The following PI4KB variants were observed in gnomAD, a reference collection of about 807,000 sequenced individuals.
PI4KB encodes PtdIns 4-kinase beta.
In PI4KB, 23 loss-of-function variants were observed where a neutral mutation model predicts 81.4. The observed-to-expected ratio is 0.28, with a 90% CI of 0.20 to 0.40. PI4KB has a LOEUF of 0.40. Ranked by LOEUF, PI4KB falls within the 10% of genes least tolerant of loss-of-function variation. The probability of loss-of-function intolerance (pLI) is 1.00; values close to 1 mark genes in which losing one functional copy is unlikely to be tolerated. For synonymous variants in PI4KB, 381 were observed against 406.8 expected (o/e 0.94, Z 0.76); for missense variants, 651 against 1,036.6 (o/e 0.63, Z 5.11).
intron 9 of PI4KB, among the ~76,000 whole-genome samples, chr1:151,296,349 G>A (rs1026508103): frequency 6.6e-6 from 1 of 152,178 alleles, no homozygotes; most frequent in Non-Finnish European, 1.5e-5. Flanking sequence ...GGTGGAATGA[G>A]CACAGGGTCT....
At chr1:151,303,332 A>G (rs746012358) in intron 6 of PI4KB, 3 of 526,506 alleles carry the variant, frequency 5.7e-6, no homozygotes, top group Non-Finnish European at 1.0e-5. Context: ...GAGTCTTTTT[A>G]AAATTTAATT....
chr1:151,326,228 T>C (rs777102412), intron 1 of PI4KB: 7 of 1,585,580 alleles, frequency 4.4e-6, no homozygotes, highest in Non-Finnish European at 6.0e-6. Flanking sequence ...TGCTCCGGAG[T>C]AGTCAACCAA....
At chr1:151,326,085 G>T in intron 1 of PI4KB, 2 of 1,236,596 alleles carry the variant, frequency 1.6e-6, no homozygotes, top group Non-Finnish European at 2.4e-6. Flanking sequence ...ATTCCTCATG[G>T]ATCTGGACAG....
In PI4KB at chr1:151,315,742, G is replaced by A; in HGVS notation, c.740C>T (p.Pro247Leu). 6.2e-7 allele frequency: 1 copy of A among 1,613,966 alleles called. No individual in the cohort carries two copies. ...GGGCAGCTCCCTCTTCCTGTGAGCTGGCTTTAGCTCATCTGAGAGGATCAG... is the reference window on the plus strand; with the variant it reads ...GGGCAGCTCCCTCTTCCTGTGAGCTAGCTTTAGCTCATCTGAGAGGATCAG... ...RKLILSDELK[P>L]AHRKRELPSL... The change falls in exon 2 of 12, where the codon CCA becomes CTA. Residue 247 changes from proline (P) to leucine (L), a missense_variant. By Grantham distance (98) the Pro-to-Leu change is moderately conservative (BLOSUM62 -3). Coordinates refer to ENST00000368873, the MANE Select transcript of PI4KB (RefSeq NM_001369623.2).
chr1:151,310,392 GAAAGT>G, intron 2 of PI4KB, 137 bp from the exon 3 acceptor site: 1 of 636,712 alleles, frequency 1.6e-6, no homozygotes. Context: ...TTTAATAAAA[GAAAGT>G]CAACTCAGAA....
At chr1:151,306,058 C>G in intron 5 of PI4KB, 78 bp downstream of exon 5, 1 of 1,173,960 alleles carries the variant, frequency 8.5e-7, no homozygotes, top group Non-Finnish European at 1.3e-6. Context: ...TTGGGATATG[C>G]TGTCTTGTTT....
At chr1:151,304,722 C>A (rs1571168189) in intron 5 of PI4KB, among the ~76,000 whole-genome samples, 1 of 151,716 alleles carries the variant, frequency 6.6e-6, no homozygotes, top group East Asian at 1.9e-4. Flanking sequence ...GTGCTGTGAT[C>A]TCAGCTCCCT....
At chr1:151,312,017 G>A (rs751150507) in intron 2 of PI4KB, among the ~76,000 whole-genome samples, 1 of 152,262 alleles carries the variant, frequency 6.6e-6, no homozygotes, top group Non-Finnish European at 1.5e-5. Flanking sequence ...ACAAATGGGA[G>A]GACAAACTGC....
chr1:151,307,499 C>T (rs1695871431), intron 4 of PI4KB, 75 bp downstream of exon 4: 1 of 907,826 alleles, frequency 1.1e-6, no homozygotes. Flanking sequence ...CCTCACTGGT[C>T]ATACACGCAA....
chr1:151,294,007 C>T lies in PI4KB; in HGVS notation c.2269+11G>A, dbSNP rs1358798741. ...GAGGCACTATAGCACCTGACCTCACCCCAGCCCCACCTTGCTGCATGATCT... is the reference window on the plus strand; with the variant it reads ...GAGGCACTATAGCACCTGACCTCACTCCAGCCCCACCTTGCTGCATGATCT... On this transcript the variant is annotated intron_variant, in intron 11 of 11. Coordinates refer to ENST00000368873, the MANE Select transcript of PI4KB (RefSeq NM_001369623.2). The T allele has an allele frequency of 6.2e-7, 1 of 1,614,014 alleles. No individual in the cohort carries two copies. Among genetic ancestry groups the T allele is most frequent in the Admixed American group, 1.7e-5 (1 of 60,002 alleles).
chr1:151,298,708 T>C (rs1695004008), intron 9 of PI4KB, 100 bp downstream of exon 9: 1 of 1,246,904 alleles, frequency 8.0e-7, no homozygotes, highest in Admixed American at 1.9e-5. Flanking sequence ...ATTTTTCACA[T>C]CTTTGCCATG....
intron 1 of PI4KB, among the ~76,000 whole-genome samples, chr1:151,320,322 C>T (rs918963568): frequency 3.9e-5 from 6 of 152,134 alleles, no homozygotes; most frequent in East Asian, 1.9e-4. Context: ...TGTGAGCTGC[C>T]GCGCCCGGCC....
intron 1 of PI4KB, among the ~76,000 whole-genome samples, chr1:151,317,655 T>A (rs1328505926): frequency 6.6e-6 from 1 of 152,136 alleles, no homozygotes; most frequent in Non-Finnish European, 1.5e-5. Flanking sequence ...GCAAGTCAGG[T>A]GTTACTCCCT....
At position 151,316,434 on chromosome 1, in the gene PI4KB, C is replaced by T. The variant is rs772542554; in HGVS notation, c.48G>A (p.Glu16=). 3.2e-6 allele frequency: 5 copies of T among 1,571,866 alleles called. No individual in the cohort carries two copies. The highest frequency in any genetic ancestry group is 1.4e-5 in the African/African-American group (1 of 73,540). ...TATTCCCTGGTGGGCCAGAAGTGGG[C>T]TCAGAAGTTGGCTTCAAGGGGGCAG... ...VEPAPLKPTS[E]PTSGPPGNNG... Residue 16 remains glutamate (E), a synonymous_variant, in exon 2 of 12, where the codon GAG becomes GAA. Transcript: ENST00000368873.
At chr1:151,293,921 A>T (rs1007839812) in intron 11 of PI4KB, 97 bp downstream of exon 11, 21 of 1,386,130 alleles carry the variant, frequency 1.5e-5, no homozygotes, top group Non-Finnish European at 2.0e-5. Flanking sequence ...CCCCTCCCTC[A>T]ACCGAGTCTC....
At chr1:151,298,688 A>T in intron 9 of PI4KB, 120 bp downstream of exon 9, 2 of 1,082,284 alleles carry the variant, frequency 1.8e-6, no homozygotes, top group Non-Finnish European at 1.4e-6. Flanking sequence ...TGCTTAAAAT[A>T]CATTGTTTCA....
In PI4KB at chr1:151,302,830, G is replaced by A. The variant is rs184792838; in HGVS notation, c.1521-532C>T. ...GATCTCCTGACCTTATGATCTACCC[G>A]CCTCAGCCTCCCAAAGTGTTGGGAT... On this transcript the variant is annotated intron_variant, in intron 6 of 11. Transcript: ENST00000368873. 2.4e-4 allele frequency among the ~76,000 whole-genome samples: 37 copies of A among 151,050 alleles called. No individual in the cohort carries two copies. The East Asian group carries it at 6.9e-3, about 28-fold the overall frequency.
In PI4KB at chr1:151,303,479, A is replaced by G. The variant is rs986875695; in HGVS notation, c.1520+62T>C. On this transcript the variant is annotated intron_variant, in intron 6 of 11. Coordinates refer to ENST00000368873, the MANE Select transcript of PI4KB (RefSeq NM_001369623.2). ...TGATTGAGATGGAGAGGAAGGTAAC[A>G]AAGAGATGGGAAGTTCCTGAAAGAG... The G allele has an allele frequency of 3.1e-6, 3 of 979,212 alleles. No individual in the cohort carries two copies. In the African/African-American group the frequency reaches 4.8e-5, roughly 16 times the overall value. The allele number at this position is 979,212 out of a possible 1,614,324, so 60.7% of individuals were successfully genotyped here. A position where few individuals can be genotyped will look rare whatever the true frequency, so the allele number is the denominator to read the frequency against.
chr1:151,325,193 A>G (rs1649445250), intron 1 of PI4KB, among the ~76,000 whole-genome samples: 2 of 151,940 alleles, frequency 1.3e-5, no homozygotes, highest in African/African-American at 4.8e-5. Context: ...GGGTTTCACC[A>G]TGTTGGCCGG....
Sources: gnomAD v4.1 joint callset for allele counts (sites outside exome capture counted in the v4.1 genomes callset) on GRCh38, gnomAD v4.1.1 for gene constraint, MANE v1.5 for transcripts, NCBI Gene and HGNC (gene_info 2026-07-23, HGNC 2026-07-21) for gene names.